The following EYS variants were observed in gnomAD, a reference collection of about 807,000 sequenced individuals.
The protein encoded by EYS is protein eyes shut homolog.
EYS carries 250 observed loss-of-function variants against 282.1 expected under a neutral mutation model. The ratio of observed to expected loss-of-function variants is 0.89; its 90% CI spans 0.80 to 0.98. EYS has a LOEUF of 0.98. Among genes scored for constraint, EYS ranks in the 50% least tolerant of loss-of-function variants. EYS has a pLI of 0.00. For synonymous variants in EYS, 1,355 were observed against 1,282.9 expected (o/e 1.06, Z -1.20); for missense variants, 4,016 against 3,709.0 (o/e 1.08, Z -2.15).
intron 29 of EYS, among the ~76,000 whole-genome samples, chr6:64,387,954 G>A (rs1162109027): frequency 6.6e-6 from 1 of 152,024 alleles, no homozygotes; most frequent in African/African-American, 2.4e-5. Flanking sequence ...TTGTGGGACT[G>A]TGAAACAATA....
In EYS at chr6:64,066,327, A is replaced by G; in HGVS notation, c.6725+11T>C. On this transcript the variant is annotated intron_variant, in intron 33 of 42. Coordinates refer to ENST00000503581, the MANE Select transcript of EYS (RefSeq NM_001142800.2). Reference sequence around the variant, plus strand: ...CAGCACGAAAGAACTACCGTGGAGTACAGTACTTACCGTATTGTGATAGGG... The same window carrying G: ...CAGCACGAAAGAACTACCGTGGAGTGCAGTACTTACCGTATTGTGATAGGG... 6.5e-7 allele frequency: 1 copy of G among 1,545,402 alleles called. No individual in the cohort carries two copies. The highest frequency in any genetic ancestry group is 8.7e-7 in the Non-Finnish European group (1 of 1,144,810).
At chr6:64,212,614 A>T (rs1459704613) in intron 31 of EYS, among the ~76,000 whole-genome samples, 1 of 151,638 alleles carries the variant, frequency 6.6e-6, no homozygotes, top group Non-Finnish European at 1.5e-5. Flanking sequence ...TCAAAAACAG[A>T]TGCTGGCGAG....
chr6:65,057,028 T>C (rs1056612785), intron 13 of EYS, among the ~76,000 whole-genome samples: 1 of 151,958 alleles, frequency 6.6e-6, no homozygotes, highest in Non-Finnish European at 1.5e-5. Flanking sequence ...TTTTATTTAG[T>C]TGAACAGTTT....
intron 2 of EYS, among the ~76,000 whole-genome samples, chr6:65,573,734 A>G (rs751262598): frequency 2.0e-5 from 3 of 152,154 alleles, no homozygotes; most frequent in Non-Finnish European, 2.9e-5. Flanking sequence ...TTCTTGCAGT[A>G]TATGCCCATG....
intron 12 of EYS, among the ~76,000 whole-genome samples, chr6:65,120,180 A>T (rs1472793612): frequency 2.0e-5 from 3 of 150,292 alleles, no homozygotes; most frequent in Admixed American, 6.6e-5. Flanking sequence ...AAACAAATTT[A>T]AAAAAAACCC....
chr6:64,624,286 G>A (rs1474449267), intron 23 of EYS, among the ~76,000 whole-genome samples: 1 of 152,052 alleles, frequency 6.6e-6, no homozygotes, highest in Non-Finnish European at 1.5e-5. Flanking sequence ...TCTAGCACCT[G>A]TAAGATGTTT....
chr6:64,136,107 G>A (rs894994705), intron 31 of EYS, among the ~76,000 whole-genome samples: 1 of 149,900 alleles, frequency 6.7e-6, no homozygotes, highest in Non-Finnish European at 1.5e-5. Flanking sequence ...TTTCAACAAT[G>A]TTCCCAGCAT....
At chr6:63,969,412 G>A (rs561323522) in intron 35 of EYS, among the ~76,000 whole-genome samples, 20 of 152,238 alleles carry the variant, frequency 1.3e-4, no homozygotes, top group Admixed American at 7.8e-4. Context: ...AGGAATTTTT[G>A]TTTATTTCCA....
intron 41 of EYS, among the ~76,000 whole-genome samples, chr6:63,734,507 C>T (rs1562000764): frequency 6.6e-6 from 1 of 152,034 alleles, no homozygotes; most frequent in Non-Finnish European, 1.5e-5. Context: ...CACTCCCTAT[C>T]AAGAGGTTAT....
At chr6:64,724,507 A>C (rs149268141) in intron 22 of EYS, among the ~76,000 whole-genome samples, 1 of 152,212 alleles carries the variant, frequency 6.6e-6, no homozygotes, top group African/African-American at 2.4e-5. Flanking sequence ...ACCTTAAACC[A>C]CTAAAGCCAT....
chr6:64,532,768 A>G (rs1764392830), intron 26 of EYS, among the ~76,000 whole-genome samples: 1 of 152,126 alleles, frequency 6.6e-6, no homozygotes, highest in South Asian at 2.1e-4. Flanking sequence ...TTTATTTACT[A>G]CAATGTTTGT....
intron 2 of EYS, among the ~76,000 whole-genome samples, chr6:65,580,772 T>C (rs1764838015): frequency 6.6e-6 from 1 of 152,034 alleles, no homozygotes; most frequent in Non-Finnish European, 1.5e-5. Context: ...CAATTTAATA[T>C]AGCTAATGTT....
chr6:64,684,109 G>T (rs183032904), intron 22 of EYS, among the ~76,000 whole-genome samples: 34 of 152,208 alleles, frequency 2.2e-4, no homozygotes, highest in African/African-American at 7.9e-4. Flanking sequence ...TATCTTAAGA[G>T]ATAAAGAAAA....
At chr6:63,772,375 A>G (rs1769952716) in intron 40 of EYS, among the ~76,000 whole-genome samples, 1 of 152,214 alleles carries the variant, frequency 6.6e-6, no homozygotes, top group Non-Finnish European at 1.5e-5. Flanking sequence ...TTATGCCTAG[A>G]TCTCTTTCAT....
intron 36 of EYS, among the ~76,000 whole-genome samples, chr6:63,853,738 A>G (rs952360843): frequency 6.6e-5 from 10 of 152,192 alleles, no homozygotes; most frequent in African/African-American, 2.4e-4. Context: ...AAACTATACT[A>G]CAAGTTTACA....
intron 24 of EYS, among the ~76,000 whole-genome samples, chr6:64,612,168 AC>A (rs1389755905): frequency 5.3e-5 from 8 of 151,934 alleles, no homozygotes; most frequent in Non-Finnish European, 8.8e-5. Context: ...AGAACTCAGA[AC>A]CCTTTTTTCT....
chr6:64,733,432 G>C (rs1371480395), intron 22 of EYS: 1 of 184,282 alleles, frequency 5.4e-6, no homozygotes, highest in Non-Finnish European at 1.2e-5. Flanking sequence ...TCTACTCTGG[G>C]GATGATCCAC....
intron 1 of EYS, among the ~76,000 whole-genome samples, chr6:65,705,747 G>T (rs1236587562): frequency 6.6e-6 from 1 of 152,034 alleles, no homozygotes; most frequent in African/African-American, 2.4e-5. Flanking sequence ...CAATATCAAT[G>T]CCCTTTTCCT....
chr6:65,025,194 A>G (rs1471184829), intron 13 of EYS, among the ~76,000 whole-genome samples: 3 of 152,216 alleles, frequency 2.0e-5, no homozygotes, highest in Non-Finnish European at 4.4e-5. Flanking sequence ...TGTACAGTTG[A>G]TAAACCATAC....
Sources: gnomAD v4.1 joint callset for allele counts (sites outside exome capture counted in the v4.1 genomes callset) on GRCh38, gnomAD v4.1.1 for gene constraint, MANE v1.5 for transcripts, NCBI Gene and HGNC (gene_info 2026-07-23, HGNC 2026-07-21) for gene names.